SIPA1L1: variants seen among roughly 807,000 people sequenced by gnomAD.
SIPA1L1 encodes the protein signal-induced proliferation-associated 1-like protein 1.
Under a neutral mutation model 162.7 loss-of-function variants are expected in SIPA1L1, and 26 were observed. That is an observed-to-expected ratio of 0.16 (90% CI 0.12 to 0.22). SIPA1L1 has a LOEUF of 0.22. SIPA1L1 is among the 10% of genes least tolerant of loss of function. The pLI, the probability that SIPA1L1 is intolerant of heterozygous loss-of-function variation, is 1.00. For missense variants in SIPA1L1, 1,874 were observed against 2,241.0 expected, an observed-to-expected ratio of 0.84 and a Z score of 3.31; for synonymous variants, 829 against 837.4, an observed-to-expected ratio of 0.99 and a Z score of 0.17.
intron 21 of SIPA1L1, among the ~76,000 whole-genome samples, chr14:71,734,141 G>A (rs907694401): frequency 3.9e-5 from 6 of 152,212 alleles, no homozygotes; most frequent in Admixed American, 2.0e-4. Context: ...TCATCACGTC[G>A]CAAGACATTG....
rs775325559 is a variant in SIPA1L1, at chr14:71,671,131, C to A, written c.2268C>A (p.Thr756=). The change falls in exon 11 of 24, where the codon ACC becomes ACA. Residue 756 remains threonine, a synonymous_variant. Transcript: ENST00000381232. ...CTTTGTCTCTCAGTGTGGCTGTTAC[C>A]AGGTCCAGAGATGTGCCTTCCTTTG... is the stretch of plus-strand genomic sequence containing the variant. ...SDSVCYSVAV[T]RSRDVPSFGP... 2 of 1,600,242 alleles carry A rather than the reference C, an allele frequency of 1.2e-6. No individual in the cohort carries two copies. Among genetic ancestry groups the A allele is most frequent in the Non-Finnish European group, 1.7e-6 (2 of 1,171,596 alleles).
At chr14:71,326,416 C>T (rs997469849) in intron 2 of SIPA1L1, among the ~76,000 whole-genome samples, 12 of 151,948 alleles carry the variant, frequency 7.9e-5, no homozygotes, top group African/African-American at 2.9e-4. Context: ...GCCATGTTGG[C>T]CAGGCTGGTC....
At position 71,587,748 on chromosome 14, in the gene SIPA1L1, A is replaced by G. The variant is rs2034791327; in HGVS notation, c.-125A>G. 2.2e-6 allele frequency: 2 copies of G among 902,744 alleles called. No individual in the cohort carries two copies. Among genetic ancestry groups the G allele is most frequent in the Non-Finnish European group, 3.4e-6 (2 of 596,598 alleles). 55.9% of individuals were successfully genotyped at this position (902,744 alleles called of 1,614,324 possible). A position where few individuals can be genotyped will look rare whatever the true frequency, so the allele number is the denominator to read the frequency against. Reference sequence around the variant, plus strand: ...AGCATCATTTAACCTTTTAAATGAAAAAGATTAAGATCTCATGCAACTGTT... The same window carrying G: ...AGCATCATTTAACCTTTTAAATGAAGAAGATTAAGATCTCATGCAACTGTT... On this transcript the variant is annotated 5_prime_UTR_variant, in exon 5 of 24. Coordinates refer to ENST00000381232, the MANE Select transcript of SIPA1L1 (RefSeq NM_001386936.1).
At chr14:71,415,450 A>G (rs2042689712) in intron 2 of SIPA1L1, among the ~76,000 whole-genome samples, 1 of 152,166 alleles carries the variant, frequency 6.6e-6, no homozygotes, top group African/African-American at 2.4e-5. Flanking sequence ...ACTGTCTTTG[A>G]AAACATAACA....
chr14:71,694,729 G>A (rs184699072), intron 13 of SIPA1L1, among the ~76,000 whole-genome samples: 1 of 152,342 alleles, frequency 6.6e-6, no homozygotes, highest in Admixed American at 6.5e-5. Flanking sequence ...CACAGCAATT[G>A]AAAGAGGTAT....
At chr14:71,613,209 C>G (rs2038425164) in intron 5 of SIPA1L1, among the ~76,000 whole-genome samples, 2 of 151,962 alleles carry the variant, frequency 1.3e-5, no homozygotes, top group African/African-American at 4.8e-5. Context: ...CTTATGGGAA[C>G]ATAATATTGT....
rs1267141922 is a variant in SIPA1L1 at position 71,377,821 on chromosome 14, C to T, written c.-465+56640C>T. On this transcript the variant is annotated intron_variant, in intron 2 of 23. Coordinates refer to ENST00000381232, the MANE Select transcript of SIPA1L1 (RefSeq NM_001386936.1). This position sits in a 1 kb window ranked among gnomAD's most constrained non-coding sequence, Gnocchi z 4.8. ...GAAACCCCGTCTCCACCAAAAAATA[C>T]AAAAACCAGTCAGGCGTGGCGGCGC... Among the ~76,000 whole-genome samples the T allele has an allele frequency of 6.6e-6, 1 of 152,194 alleles. No individual in the cohort carries two copies. The highest frequency in any genetic ancestry group is 1.5e-5 in the Non-Finnish European group (1 of 68,030).
chr14:71,383,575 A>G (rs2040079823), intron 2 of SIPA1L1, among the ~76,000 whole-genome samples: 1 of 152,170 alleles, frequency 6.6e-6, no homozygotes, highest in Non-Finnish European at 1.5e-5. Flanking sequence ...TAATTAGCTC[A>G]TGGTTCTGCA....
intron 5 of SIPA1L1, among the ~76,000 whole-genome samples, chr14:71,609,355 A>G (rs1157685635): frequency 2.0e-5 from 3 of 151,764 alleles, no homozygotes; most frequent in African/African-American, 7.3e-5. Context: ...TGCCACCTTG[A>G]TCTCCTGGGT....
intron 2 of SIPA1L1, among the ~76,000 whole-genome samples, chr14:71,367,604 G>T (rs1269064732): frequency 7.1e-6 from 1 of 141,600 alleles, no homozygotes; most frequent in Admixed American, 6.9e-5. Context: ...CACCGTGCCC[G>T]GCCTTTTTTT....
intron 9 of SIPA1L1, among the ~76,000 whole-genome samples, chr14:71,660,808 AT>A (rs772227188): frequency 2.0e-5 from 3 of 152,240 alleles, no homozygotes; most frequent in Non-Finnish European, 4.4e-5. Flanking sequence ...CCTGCTTTTA[AT>A]TGTTGCAACA....
chr14:71,611,322 A>C (rs2038178512), intron 5 of SIPA1L1, among the ~76,000 whole-genome samples: 1 of 152,172 alleles, frequency 6.6e-6, no homozygotes, highest in South Asian at 2.1e-4. Context: ...TTAAGATGTA[A>C]GAAGTTGGAC....
intron 3 of SIPA1L1, among the ~76,000 whole-genome samples, chr14:71,522,968 C>T (rs1425522681): frequency 2.6e-5 from 4 of 152,138 alleles, no homozygotes; most frequent in African/African-American, 9.7e-5. Context: ...CCACTGCACC[C>T]GACCTTACTC....
At chr14:71,708,217 T>C (rs1363978807) in intron 16 of SIPA1L1, among the ~76,000 whole-genome samples, 1 of 151,918 alleles carries the variant, frequency 6.6e-6, no homozygotes, top group Non-Finnish European at 1.5e-5. Flanking sequence ...CTTACACATA[T>C]GTTTTCTTGT....
chr14:71,576,356 C>T (rs917000352), intron 4 of SIPA1L1, among the ~76,000 whole-genome samples: 5 of 152,074 alleles, frequency 3.3e-5, no homozygotes, highest in African/African-American at 7.2e-5. Context: ...ATTGCTTTAG[C>T]GAGTTAGTGA....
rs778852789 is a variant in SIPA1L1 at position 71,671,402 on chromosome 14, C to T, written c.2539C>T (p.Pro847Ser). 6.2e-7 allele frequency: 1 copy of T among 1,614,184 alleles called. No individual in the cohort carries two copies. The highest frequency in any genetic ancestry group is 8.5e-7 in the Non-Finnish European group (1 of 1,180,028). Residue 847 changes from proline (P) to serine (S), a missense_variant, in exon 11 of 24, where the codon CCA (proline) becomes TCA (serine). This residue lies in a region of SIPA1L1 where 243 missense variants were observed against 315.0 expected (regional missense o/e 0.77). Coordinates refer to ENST00000381232, the MANE Select transcript of SIPA1L1 (RefSeq NM_001386936.1). ...LASKKKEKSK[P>S]YPGAELSSMG... ...TTCCAAGAAGAAGGAAAAGTCTAAGCCATATCCAGGAGCCGAGCTCAGCAG... is the reference window on the plus strand; with the variant it reads ...TTCCAAGAAGAAGGAAAAGTCTAAGTCATATCCAGGAGCCGAGCTCAGCAG...
At chr14:71,420,396 T>TAC (rs1277226035) in intron 2 of SIPA1L1, among the ~76,000 whole-genome samples, 6 of 152,248 alleles carry the variant, frequency 3.9e-5, no homozygotes, top group African/African-American at 1.4e-4. Flanking sequence ...TCTGACTGTC[T>TAC]GTCTGCCTAT....
intron 2 of SIPA1L1, among the ~76,000 whole-genome samples, chr14:71,322,585 T>C (rs751971441): frequency 2.0e-5 from 3 of 152,208 alleles, no homozygotes; most frequent in Non-Finnish European, 4.4e-5. Flanking sequence ...AATATTAATA[T>C]TAAAACATTT....
intron 3 of SIPA1L1, among the ~76,000 whole-genome samples, chr14:71,522,978 C>T (rs896483324): frequency 2.0e-5 from 3 of 152,142 alleles, no homozygotes; most frequent in African/African-American, 7.2e-5. Context: ...CGACCTTACT[C>T]TCTCTTTTAA....
Sources: allele counts gnomAD v4.1 joint callset (sites outside exome capture counted in the v4.1 genomes callset), GRCh38; gene constraint gnomAD v4.1.1; regional missense constraint gnomAD v4.1.1; non-coding constraint Gnocchi (gnomAD v3.1); transcripts MANE v1.5; gene names NCBI Gene and HGNC (gene_info 2026-07-23, HGNC 2026-07-21).